ODF2: variants seen among roughly 807,000 people sequenced by gnomAD.
The protein encoded by ODF2 is outer dense fiber of sperm tails 2.
A neutral mutation model predicts 110.2 loss-of-function variants in ODF2; 47 were observed. That is an observed-to-expected ratio of 0.43 (90% CI 0.34 to 0.54). ODF2 has a LOEUF of 0.54. Ranked by LOEUF, ODF2 falls within the 20% of genes least tolerant of loss-of-function variation. The probability of loss-of-function intolerance (pLI) is 0.03; values close to 1 mark genes in which losing one functional copy is unlikely to be tolerated. For missense variants in ODF2, 812 were observed against 1,054.5 expected (o/e 0.77, Z 3.19); for synonymous variants, 352 against 397.7 (o/e 0.89, Z 1.37).
upstream of ODF2, chr9:128,456,138 G>C (rs1834706480): frequency 6.5e-7 from 1 of 1,548,382 alleles, no homozygotes; most frequent in African/African-American, 1.4e-5. Context: ...CGGAAGCGGG[G>C]AGGAGCCGCT....
chr9:128,460,233 A>G (rs1354197871), intron 3 of ODF2: 5 of 1,325,632 alleles, frequency 3.8e-6, no homozygotes, highest in Admixed American at 2.2e-5. Flanking sequence ...TGTGCATTCC[A>G]GCAGGTTTAG....
intron 4 of ODF2, among the ~76,000 whole-genome samples, chr9:128,465,276 T>G (rs1837542334): frequency 6.6e-6 from 1 of 152,124 alleles, no homozygotes; most frequent in Non-Finnish European, 1.5e-5. Flanking sequence ...AACCCTGTCC[T>G]TCATGGACGG....
chr9:128,498,317 G>A (rs1343467856), intron 18 of ODF2, 96 bp from the exon 19 acceptor site: 9 of 1,400,352 alleles, frequency 6.4e-6, no homozygotes, highest in African/African-American at 1.5e-5. Flanking sequence ...TTGGCATGAT[G>A]AGATCCCCAG....
At chr9:128,465,861 C>T (rs1286577316) in intron 4 of ODF2, among the ~76,000 whole-genome samples, 1 of 152,030 alleles carries the variant, frequency 6.6e-6, no homozygotes, top group Non-Finnish European at 1.5e-5. Flanking sequence ...AGTACAGGCC[C>T]AGGAGCAATG....
chr9:128,498,921 T>G (rs1432949912), intron 19 of ODF2, 80 bp from the exon 20 acceptor site: 8 of 1,572,650 alleles, frequency 5.1e-6, no homozygotes, highest in African/African-American at 4.1e-5. Context: ...CAAGACCAGA[T>G]AGTGGGCCCA....
intron 3 of ODF2, 59 bp downstream of exon 3, chr9:128,460,725 C>A: frequency 5.6e-6 from 9 of 1,599,562 alleles, no homozygotes; most frequent in Non-Finnish European, 7.7e-6. Context: ...CCTGCTAAGC[C>A]CAGCCTCCTC....
chr9:128,456,300 C>T, intron 1 of ODF2, 45 bp downstream of exon 1: 1 of 1,503,046 alleles, frequency 6.7e-7, no homozygotes, highest in Non-Finnish European at 8.8e-7. Flanking sequence ...TCCGGGGCAC[C>T]GCGGGCGAGA....
chr9:128,461,241 C>G, intron 4 of ODF2, 174 bp downstream of exon 4: 1 of 795,812 alleles, frequency 1.3e-6, no homozygotes, highest in Admixed American at 2.9e-5. Context: ...TCTTATGATA[C>G]TGCTGTGTGG....
intron 4 of ODF2, among the ~76,000 whole-genome samples, chr9:128,462,502 G>A (rs905682145): frequency 6.6e-6 from 1 of 152,050 alleles, no homozygotes; most frequent in Admixed American, 6.6e-5. Flanking sequence ...AGCTGTTCTG[G>A]AGTCAGTTTG....
intron 12 of ODF2, 101 bp downstream of exon 12, chr9:128,484,987 A>C: frequency 8.4e-7 from 1 of 1,193,542 alleles, no homozygotes; most frequent in Non-Finnish European, 1.2e-6. Context: ...GGGTGGGTGG[A>C]TGAGGGATGG....
At position 128,494,468 on chromosome 9, in the gene ODF2, T is replaced by C. The variant is rs770591003; in HGVS notation, c.1753-42T>C. 1.1e-5 allele frequency: 18 copies of C among 1,586,590 alleles called. 1 individual carries two copies. In the East Asian group the frequency reaches 2.5e-4, roughly 22 times the overall value. ...CACTAGGAGCCAGGTCTTTCCTAAC[T>C]GTGGGTCTTTCCTTCCTGTGGGTCT... On this transcript the variant is annotated intron_variant, in intron 16 of 20. Coordinates refer to ENST00000604420, the Ensembl canonical transcript of ODF2. The surrounding 1 kb of genome is among the most constrained non-coding windows in gnomAD (Gnocchi z 4.6).
chr9:128,458,561 A>G (rs1315902717), intron 2 of ODF2, among the ~76,000 whole-genome samples: 1 of 144,540 alleles, frequency 6.9e-6, no homozygotes, highest in Non-Finnish European at 1.5e-5. Flanking sequence ...AAGATTTTGG[A>G]GCAAATAGAC....
At chr9:128,472,833 A>G (rs988017242) in intron 6 of ODF2, 80 bp from the exon 7 acceptor site, 5 of 1,595,500 alleles carry the variant, frequency 3.1e-6, no homozygotes, top group Admixed American at 1.7e-5. Context: ...TGAGCCCCCT[A>G]GGGCATTGTG....
At chr9:128,457,350 C>G (rs1835158474) in exon 2 of ODF2, 1 of 1,612,124 alleles carries the variant, frequency 6.2e-7, no homozygotes, top group Non-Finnish European at 8.5e-7. Flanking sequence ...CTCTGGGTCC[C>G]CCTGAGCAGA....
intron 3 of ODF2, 26 bp from the exon 3 acceptor site, chr9:128,460,524 T>C (rs1268277756): frequency 4.3e-6 from 7 of 1,610,460 alleles, no homozygotes; most frequent in Admixed American, 3.4e-5. Context: ...TCAACCATTT[T>C]TGTGTTGTCC....
intron 1 of ODF2, chr9:128,456,627 T>C: frequency 1.3e-6 from 2 of 1,503,462 alleles, no homozygotes; most frequent in South Asian, 1.2e-5. Context: ...CTCGCTCTGC[T>C]GCCCGTCGGC....
At chr9:128,473,182 C>G in intron 7 of ODF2, 140 bp downstream of exon 7, 5 of 1,464,118 alleles carry the variant, frequency 3.4e-6, no homozygotes, top group Non-Finnish European at 4.5e-6. Flanking sequence ...AACTAGGCCC[C>G]CACCCACCAC....
chr9:128,481,651 G>A (rs1287599949), exon 9 of ODF2: 2 of 1,613,246 alleles, frequency 1.2e-6, no homozygotes, highest in Non-Finnish European at 1.7e-6. Context: ...CAGAGAAAGC[G>A]GTAACTAAGG....
At chr9:128,493,367 A>G (rs1258269961) in intron 16 of ODF2, among the ~76,000 whole-genome samples, 4 of 152,214 alleles carry the variant, frequency 2.6e-5, no homozygotes, top group African/African-American at 7.2e-5. Context: ...CCTGGGCAAC[A>G]AGAGTAAATA....
Sources: allele counts gnomAD v4.1 joint callset (sites outside exome capture counted in the v4.1 genomes callset), GRCh38; gene constraint gnomAD v4.1.1; non-coding constraint Gnocchi (gnomAD v3.1); transcripts MANE v1.5; gene names NCBI Gene and HGNC (gene_info 2026-07-23, HGNC 2026-07-21).